Variants in CACNA1E observed in about 807,000 individuals in gnomAD.
The protein encoded by CACNA1E is calcium voltage-gated channel subunit alpha1 E.
CACNA1E carries 40 observed loss-of-function variants against 259.2 expected under a neutral mutation model. The observed-to-expected ratio is 0.15, with a 90% confidence interval of 0.12 to 0.20. The LOEUF is 0.20. CACNA1E is among the 10% of genes least tolerant of loss of function. CACNA1E has a pLI of 1.00. For synonymous variants in CACNA1E, 1,104 were observed against 1,138.5 expected (o/e 0.97, Z 0.61); for missense variants, 1,874 against 3,040.1 (o/e 0.62, Z 9.02).
chr1:181,723,475 G>C (rs540667592), intron 16 of CACNA1E, among the ~76,000 whole-genome samples: 1 of 152,156 alleles, frequency 6.6e-6, no homozygotes, highest in East Asian at 1.9e-4. Context: ...AACCAAATGC[G>C]TGGGTTTTTT....
intron 7 of CACNA1E, among the ~76,000 whole-genome samples, chr1:181,673,306 T>C (rs928954196): frequency 2.0e-5 from 3 of 152,164 alleles, no homozygotes; most frequent in Admixed American, 2.0e-4. Context: ...GGCTGCCCTG[T>C]TTGTGGACTT....
chr1:181,328,985 A>G (rs1571575194), intron 1 of CACNA1E, among the ~76,000 whole-genome samples: 1 of 152,186 alleles, frequency 6.6e-6, no homozygotes, highest in South Asian at 2.1e-4. Flanking sequence ...TCTATAGTCA[A>G]TGGCTTTCTT....
chr1:181,512,010 G>T (rs1403960154), intron 3 of CACNA1E, among the ~76,000 whole-genome samples: 1 of 152,218 alleles, frequency 6.6e-6, no homozygotes, highest in East Asian at 1.9e-4. Context: ...TTTATCATTT[G>T]CAGATTTGTT....
rs145697287 is a variant in CACNA1E, at chr1:181,462,646, C to T, written c.435-21098C>T. 2.0e-4 allele frequency among the ~76,000 whole-genome samples: 30 copies of T among 152,246 alleles called. 1 individual carries two copies. In the East Asian group the frequency reaches 5.8e-3, roughly 29 times the overall value. ...GTTCCTTGCTCCGGAAGTCATCACT[C>T]CTCTGAGATTGATATTTCATTACCA... On this transcript the variant is annotated intron_variant, in intron 2 of 11. Coordinates refer to the CACNA1E transcript ENST00000524607.
intron 2 of CACNA1E, among the ~76,000 whole-genome samples, chr1:181,441,429 C>T (rs971955890): frequency 6.6e-5 from 10 of 152,196 alleles, no homozygotes; most frequent in African/African-American, 9.7e-5. Flanking sequence ...GGATTACAGG[C>T]GTGAGCCACC....
At chr1:181,642,507 G>C (rs948917306) in intron 6 of CACNA1E, among the ~76,000 whole-genome samples, 4 of 152,138 alleles carry the variant, frequency 2.6e-5, no homozygotes, top group African/African-American at 9.7e-5. Flanking sequence ...TCACAATAGA[G>C]GATATATGAA....
intron 6 of CACNA1E, among the ~76,000 whole-genome samples, chr1:181,641,702 T>G (rs1391531330): frequency 3.6e-5 from 4 of 112,516 alleles, no homozygotes; most frequent in Non-Finnish European, 7.1e-5. Context: ...ACTAATTTTT[T>G]GTTTTTTTTT....
chr1:181,584,218 G>A (rs903675349), intron 6 of CACNA1E, among the ~76,000 whole-genome samples: 1 of 152,192 alleles, frequency 6.6e-6, no homozygotes, highest in African/African-American at 2.4e-5. Context: ...TGCTCCTGAA[G>A]TCTAGTATGT....
rs1436607786 is a variant in CACNA1E at position 181,798,281 on chromosome 1, C to T, written c.6400-11C>T. ...CCCAATCTAACATGCCATGTCTCTC[C>T]TGCTATACAGGGCACAGGTTCCCTA... On this transcript the variant is annotated splice_polypyrimidine_tract_variant and intron_variant, in intron 47 of 47. Transcript: ENST00000367573. This position sits in a 1 kb window ranked among gnomAD's most constrained non-coding sequence, Gnocchi z 4.2. The T allele has an allele frequency of 6.4e-7, 1 of 1,573,606 alleles. No homozygotes were observed. Among genetic ancestry groups the T allele is most frequent in the Non-Finnish European group, 8.6e-7 (1 of 1,159,810 alleles).
chr1:181,613,142 A>G (rs1654898675), intron 6 of CACNA1E, among the ~76,000 whole-genome samples: 1 of 152,184 alleles, frequency 6.6e-6, no homozygotes, highest in Admixed American at 6.5e-5. Flanking sequence ...CTGTAGCTTT[A>G]TAATAAAAGT....
chr1:181,326,386 C>T (rs928409503), intron 1 of CACNA1E, among the ~76,000 whole-genome samples: 1 of 152,192 alleles, frequency 6.6e-6, no homozygotes, highest in Non-Finnish European at 1.5e-5. Context: ...AGTGCTAATT[C>T]CTGTCCTGGC....
chr1:181,559,668 T>C (rs546868469), intron 3 of CACNA1E, among the ~76,000 whole-genome samples: 2 of 152,190 alleles, frequency 1.3e-5, no homozygotes, highest in Non-Finnish European at 2.9e-5. Context: ...TGCGGGCCTC[T>C]GATGCCCTGT....
intron 1 of CACNA1E, among the ~76,000 whole-genome samples, chr1:181,364,131 A>G (rs1356988777): frequency 6.6e-6 from 1 of 152,020 alleles, no homozygotes; most frequent in Non-Finnish European, 1.5e-5. Context: ...ATTCCCCGTG[A>G]CTCTGATTGG....
intron 3 of CACNA1E, among the ~76,000 whole-genome samples, chr1:181,542,317 A>T (rs1018682327): frequency 3.3e-5 from 5 of 152,228 alleles, no homozygotes; most frequent in Admixed American, 2.6e-4. Flanking sequence ...GTGTTAATAG[A>T]TAATTAAAGC....
At position 181,755,248 on chromosome 1, in the gene CACNA1E, C is replaced by T. The variant is rs1657989288; in HGVS notation, c.3840C>T (p.Asp1280=). 6.2e-7 allele frequency: 1 copy of T among 1,613,668 alleles called. No individual in the cohort carries two copies. The highest frequency in any genetic ancestry group is 1.7e-5 in the Admixed American group (1 of 59,994). Residue 1280 remains aspartate, a synonymous_variant, in exon 28 of 48, where the codon GAC becomes GAT. Coordinates refer to ENST00000367573, the MANE Select transcript of CACNA1E (RefSeq NM_001205293.3). ...TGCTCTGTCCACAGGCCGTCTTCGA[C>T]TGCGTAGTGACCTCCTTGAAGAATG... ...KRLPKLKAVF[D]CVVTSLKNVF... is the part of the protein sequence containing the mutation.
At chr1:181,375,970 A>G (rs1176475785) in intron 1 of CACNA1E, among the ~76,000 whole-genome samples, 1 of 152,240 alleles carries the variant, frequency 6.6e-6, no homozygotes, top group Non-Finnish European at 1.5e-5. Context: ...ATTGTTATTT[A>G]TAACATATAA....
At chr1:181,606,461 C>T (rs947594861) in intron 6 of CACNA1E, among the ~76,000 whole-genome samples, 1 of 152,152 alleles carries the variant, frequency 6.6e-6, no homozygotes, top group Admixed American at 6.5e-5. Flanking sequence ...TGCGCCCAGT[C>T]CTCCCTCCCC....
At chr1:181,734,772 C>T (rs916455279) in intron 21 of CACNA1E, among the ~76,000 whole-genome samples, 7 of 148,140 alleles carry the variant, frequency 4.7e-5, no homozygotes, top group Non-Finnish European at 8.9e-5. Context: ...ATACCCCATC[C>T]CTGCCCTGAC....
At chr1:181,457,352 G>T (rs988341639) in intron 2 of CACNA1E, among the ~76,000 whole-genome samples, 3 of 152,220 alleles carry the variant, frequency 2.0e-5, no homozygotes, top group African/African-American at 7.2e-5. Flanking sequence ...ATGAATTTGG[G>T]TGAACATAAA....
Sources: gnomAD v4.1 joint callset for allele counts (sites outside exome capture counted in the v4.1 genomes callset) on GRCh38, gnomAD v4.1.1 for gene constraint, Gnocchi (gnomAD v3.1) non-coding constraint, MANE v1.5 for transcripts, NCBI Gene and HGNC (gene_info 2026-07-23, HGNC 2026-07-21) for gene names.